The following COL21A1 variants were observed in gnomAD, a reference collection of about 807,000 sequenced individuals.
The protein encoded by COL21A1 is collagen alpha-1(XXI) chain.
Under a neutral mutation model 137.9 loss-of-function variants are expected in COL21A1, and 149 were observed. That is an observed-to-expected ratio of 1.08 (90% confidence interval 0.95 to 1.24). The LOEUF is 1.24. COL21A1 is among the 50% of genes most tolerant of loss of function. COL21A1 has a pLI of 0.00. For synonymous variants in COL21A1, 456 were observed against 391.5 expected (o/e 1.16, Z -1.95); for missense variants, 1,167 against 1,158.4 (o/e 1.01, Z -0.11).
At chr6:56,172,280 A>G (rs1280868133) in intron 3 of COL21A1, among the ~76,000 whole-genome samples, 1 of 152,158 alleles carries the variant, frequency 6.6e-6, no homozygotes, top group Non-Finnish European at 1.5e-5. Flanking sequence ...AAGCAGCAAG[A>G]AAAAAGAGAC....
intron 16 of COL21A1, among the ~76,000 whole-genome samples, chr6:56,110,960 C>T (rs1771375190): frequency 6.6e-6 from 1 of 152,046 alleles, no homozygotes; most frequent in African/African-American, 2.4e-5. Context: ...GTCTACACCC[C>T]ACCTTGAGTA....
chr6:56,270,958 A>G (rs552715946), intron 1 of COL21A1, among the ~76,000 whole-genome samples: 2 of 152,348 alleles, frequency 1.3e-5, no homozygotes, highest in South Asian at 2.1e-4. Flanking sequence ...TATTCTTCAC[A>G]GCAGTATGAA....
At chr6:56,175,155 AG>A (rs1332527745) in intron 3 of COL21A1, among the ~76,000 whole-genome samples, 1 of 152,128 alleles carries the variant, frequency 6.6e-6, no homozygotes, top group East Asian at 1.9e-4. Flanking sequence ...AACATAATAA[AG>A]ACCATATTTG....
At chr6:56,378,341 C>T (rs1245456696) in intron 1 of COL21A1, among the ~76,000 whole-genome samples, 4 of 152,190 alleles carry the variant, frequency 2.6e-5, no homozygotes, top group African/African-American at 9.6e-5. Flanking sequence ...AGAGCAGAGC[C>T]CATTCCCCTG....
chr6:56,356,842 A>G (rs1171500049), intron 1 of COL21A1, among the ~76,000 whole-genome samples: 1 of 152,072 alleles, frequency 6.6e-6, no homozygotes. Context: ...CAATCACAGC[A>G]GCTTCGATGA....
At chr6:56,384,750 A>G (rs2094014691) in intron 1 of COL21A1, among the ~76,000 whole-genome samples, 1 of 152,130 alleles carries the variant, frequency 6.6e-6, no homozygotes, top group Non-Finnish European at 1.5e-5. Context: ...ACTCAACCCC[A>G]CTTCTGCTAA....
rs564648160 is a variant in COL21A1 at position 56,309,230 on chromosome 6, A to G, written c.-39+84741T>C. On this transcript the variant is annotated intron_variant, in intron 1 of 28. Transcript: ENST00000370819. Reference sequence around the variant, plus strand: ...CAATTTTTTGTATTTTAGTAGAGACAGGGTTTCACCATGTTGGCTAGGATG... The same window carrying G: ...CAATTTTTTGTATTTTAGTAGAGACGGGGTTTCACCATGTTGGCTAGGATG... Among the ~76,000 whole-genome samples, 11 of 152,006 alleles carry G rather than the reference A, an allele frequency of 7.2e-5. 1 individual carries two copies. Among genetic ancestry groups the G allele is most frequent in the South Asian group, 6.2e-4 (3 of 4,802 alleles).
chr6:56,358,697 T>C (rs945718717), intron 1 of COL21A1, among the ~76,000 whole-genome samples: 1 of 152,224 alleles, frequency 6.6e-6, no homozygotes, highest in African/African-American at 2.4e-5. Context: ...CATTAAAATA[T>C]GGAATTCTAC....
At chr6:56,389,645 A>T (rs2094025283) in intron 1 of COL21A1, among the ~76,000 whole-genome samples, 1 of 152,208 alleles carries the variant, frequency 6.6e-6, no homozygotes, top group Non-Finnish European at 1.5e-5. Context: ...ATCATAATCA[A>T]ACTCTCGAAG....
chr6:56,068,591 G>A (rs1766465690), intron 22 of COL21A1, among the ~76,000 whole-genome samples: 1 of 151,428 alleles, frequency 6.6e-6, no homozygotes. Context: ...AAACTTCTAT[G>A]TAACATAATT....
At chr6:56,096,964 G>C (rs1769379066) in intron 17 of COL21A1, among the ~76,000 whole-genome samples, 1 of 151,570 alleles carries the variant, frequency 6.6e-6, no homozygotes, top group African/African-American at 2.4e-5. Context: ...TTCCACAAAT[G>C]ATAAGAATCC....
intron 1 of COL21A1, among the ~76,000 whole-genome samples, chr6:56,358,247 T>C (rs186899703): frequency 1.4e-3 from 210 of 152,296 alleles, no homozygotes; most frequent in Non-Finnish European, 2.6e-3. Flanking sequence ...GAGATGTAGA[T>C]GTTCTTGCTG....
intron 1 of COL21A1, among the ~76,000 whole-genome samples, chr6:56,184,103 A>C (rs1778105577): frequency 6.6e-6 from 1 of 152,210 alleles, no homozygotes; most frequent in African/African-American, 2.4e-5. Context: ...GGTGAAAAGG[A>C]GAGAATGAAG....
intron 1 of COL21A1, among the ~76,000 whole-genome samples, chr6:56,318,712 C>G (rs1037512229): frequency 5.9e-5 from 9 of 152,078 alleles, no homozygotes; most frequent in African/African-American, 1.9e-4. Flanking sequence ...CTCAAGCACA[C>G]CTCTCCTGAC....
At position 56,284,514 on chromosome 6, in the gene COL21A1, C is replaced by T. The variant is rs140544610; in HGVS notation, c.-38-101858G>A. Among the ~76,000 whole-genome samples the T allele has an allele frequency of 2.4e-4, 37 of 152,296 alleles. No individual in the cohort carries two copies. In the East Asian group the frequency reaches 6.6e-3, roughly 27 times the overall value. On this transcript the variant is annotated intron_variant, in intron 1 of 28. Transcript: ENST00000370819. Reference sequence around the variant, plus strand: ...TGTGAGTCTATCCCAGCAGTGTCTACTGACTATGGCTTTTCATCTCCATCC... The same window carrying T: ...TGTGAGTCTATCCCAGCAGTGTCTATTGACTATGGCTTTTCATCTCCATCC...
At chr6:56,260,926 A>G (rs1763258527) in intron 1 of COL21A1, among the ~76,000 whole-genome samples, 1 of 140,488 alleles carries the variant, frequency 7.1e-6, no homozygotes, top group Admixed American at 7.0e-5. Flanking sequence ...CATTTAAAAA[A>G]CCCTTAGAAG....
At chr6:56,139,856 C>T (rs1411243894) in intron 12 of COL21A1, among the ~76,000 whole-genome samples, 3 of 152,072 alleles carry the variant, frequency 2.0e-5, no homozygotes, top group African/African-American at 7.2e-5. Flanking sequence ...GAAAGTGAGG[C>T]TTTGAAGGGA....
intron 10 of COL21A1, among the ~76,000 whole-genome samples, chr6:56,153,866 G>A (rs79824077): frequency 0.03 from 4,634 of 152,134 alleles, 176 homozygotes; most frequent in African/African-American, 0.084. Flanking sequence ...TCAGTCCCCT[G>A]CCACCTTCTC....
intron 1 of COL21A1, among the ~76,000 whole-genome samples, chr6:56,292,827 G>C (rs2152335907): frequency 6.6e-6 from 1 of 152,298 alleles, no homozygotes. Flanking sequence ...GATTGTAATT[G>C]TAAAGTCTAG....
Sources: gnomAD v4.1 joint callset for allele counts (sites outside exome capture counted in the v4.1 genomes callset) on GRCh38, gnomAD v4.1.1 for gene constraint, MANE v1.5 for transcripts, NCBI Gene and HGNC (gene_info 2026-07-23, HGNC 2026-07-21) for gene names.